SCHIP1: variants seen among roughly 807,000 people sequenced by gnomAD.
SCHIP1 encodes the protein schwannomin-interacting protein 1.
In SCHIP1, 8 loss-of-function variants were observed where a neutral mutation model predicts 29.7. The observed-to-expected ratio is 0.27, with a 90% CI of 0.16 to 0.49. The LOEUF is 0.49. Ranked by LOEUF, SCHIP1 falls within the 20% of genes least tolerant of loss-of-function variation. The pLI is 0.99. For synonymous variants in SCHIP1, 76 were observed against 94.9 expected (o/e 0.80, Z 1.16); for missense variants, 193 against 294.6 (o/e 0.66, Z 2.52).
the SCHIP1 span, among the ~76,000 whole-genome samples, chr3:159,680,507 C>CAA: frequency 1.1e-5 from 1 of 92,742 alleles, no homozygotes; most frequent in East Asian, 2.9e-4. Flanking sequence ...GATCTTGTCT[C>CAA]AAAAAAAAAA....
chr3:159,434,046 G>A, the SCHIP1 span, among the ~76,000 whole-genome samples: 1 of 152,174 alleles, frequency 6.6e-6, no homozygotes, highest in Non-Finnish European at 1.5e-5. Context: ...TAAGGGTAGA[G>A]TGCATGTCTT....
At chr3:159,311,565 T>A in the SCHIP1 span, among the ~76,000 whole-genome samples, 2 of 152,254 alleles carry the variant, frequency 1.3e-5, no homozygotes, top group Middle Eastern at 3.4e-3. Flanking sequence ...CAACACTCAA[T>A]ATTGCAATAA....
At chr3:159,679,747 G>T in the SCHIP1 span, among the ~76,000 whole-genome samples, 3 of 152,098 alleles carry the variant, frequency 2.0e-5, no homozygotes, top group South Asian at 4.2e-4. Flanking sequence ...CCCCGCTGGC[G>T]CACCTCCTGC....
At chr3:159,763,949 GCGGGGCGGGGCCGGGCCGGGCCGGGC>G in the SCHIP1 span, 2 of 152,132 alleles carry the variant, frequency 1.3e-5, no homozygotes, top group African/African-American at 2.4e-5. Context: ...AAGGGGCGGG[GCGGGGCGGGGCCGGGCCGGGCCGGGC>G]CGGGGCGGGG....
chr3:159,398,707 T>C, the SCHIP1 span: 4 of 152,080 alleles, frequency 2.6e-5, no homozygotes, highest in African/African-American at 9.7e-5. Context: ...TTGAATCTGA[T>C]AGAGAGGAGG....
chr3:159,896,201 T>C (rs1267376990), intron 6 of SCHIP1, among the ~76,000 whole-genome samples: 1 of 152,236 alleles, frequency 6.6e-6, no homozygotes, highest in Non-Finnish European at 1.5e-5. Context: ...AATATCTAGG[T>C]CTGTGTCTGC....
At chr3:159,403,248 C>T in the SCHIP1 span, among the ~76,000 whole-genome samples, 5,117 of 152,142 alleles carry the variant, frequency 0.034, 113 homozygotes, top group East Asian at 0.11. Context: ...GATGGATTTT[C>T]CTGGAGATTT....
the SCHIP1 span, among the ~76,000 whole-genome samples, chr3:159,530,744 C>T: frequency 6.6e-6 from 1 of 152,226 alleles, no homozygotes; most frequent in Non-Finnish European, 1.5e-5. Context: ...CACAGAATCT[C>T]CTGCTGCCCT....
At chr3:159,761,716 T>C in the SCHIP1 span, among the ~76,000 whole-genome samples, 15 of 152,212 alleles carry the variant, frequency 9.9e-5, no homozygotes, top group Non-Finnish European at 1.8e-4. Context: ...CGGAAAATAA[T>C]TTAAAAGTAC....
chr3:159,829,272 T>C, the SCHIP1 span, among the ~76,000 whole-genome samples: 1 of 152,154 alleles, frequency 6.6e-6, no homozygotes, highest in Non-Finnish European at 1.5e-5. Context: ...TGCTATAGCA[T>C]TGCCTAATGT....
At chr3:159,330,265 T>C in the SCHIP1 span, among the ~76,000 whole-genome samples, 2 of 152,188 alleles carry the variant, frequency 1.3e-5, no homozygotes, top group Non-Finnish European at 2.9e-5. Flanking sequence ...TTCTATGTGT[T>C]CCTTAGAAAT....
chr3:159,336,408 A>G, the SCHIP1 span, among the ~76,000 whole-genome samples: 15 of 152,256 alleles, frequency 9.9e-5, 1 homozygote, highest in African/African-American at 3.6e-4. Context: ...TTTAGTCATG[A>G]AGTCCTAGCC....
At chr3:159,511,145 A>T in the SCHIP1 span, among the ~76,000 whole-genome samples, 1 of 152,064 alleles carries the variant, frequency 6.6e-6, no homozygotes, top group East Asian at 1.9e-4. Flanking sequence ...TGCTTTGTTT[A>T]CCTACTCAAG....
At chr3:159,318,799 C>A in the SCHIP1 span, among the ~76,000 whole-genome samples, 1 of 152,130 alleles carries the variant, frequency 6.6e-6, no homozygotes, top group African/African-American at 2.4e-5. Context: ...CTGAGCATGA[C>A]CCACTTTATG....
chr3:159,375,729 AAAATAAATAAAT>A, the SCHIP1 span: 32 of 782,200 alleles, frequency 4.1e-5, no homozygotes, highest in African/African-American at 5.9e-5. Context: ...ACTCCGTCTC[AAAATAAATAAAT>A]AAATAAATAA....
chr3:159,394,563 T>C, the SCHIP1 span, among the ~76,000 whole-genome samples: 1 of 152,236 alleles, frequency 6.6e-6, no homozygotes, highest in Admixed American at 6.5e-5. Context: ...TCTGCATCTA[T>C]TGAAATAATC....
the SCHIP1 span, among the ~76,000 whole-genome samples, chr3:159,538,550 C>T: frequency 6.6e-6 from 1 of 152,100 alleles, no homozygotes; most frequent in Non-Finnish European, 1.5e-5. Context: ...TAATACCTTG[C>T]ATTAGCCAAG....
chr3:159,507,630 A>T, the SCHIP1 span, among the ~76,000 whole-genome samples: 1 of 152,178 alleles, frequency 6.6e-6, no homozygotes, highest in East Asian at 1.9e-4. Flanking sequence ...TATTATTTTG[A>T]GATACATCCC....
chr3:159,288,694 C>G, the SCHIP1 span, among the ~76,000 whole-genome samples: 1 of 152,168 alleles, frequency 6.6e-6, no homozygotes. Flanking sequence ...GCCGAGATTG[C>G]GCCAGCCTGG....
Sources: gnomAD v4.1 joint callset for allele counts (sites outside exome capture counted in the v4.1 genomes callset) on GRCh38, gnomAD v4.1.1 for gene constraint, MANE v1.5 for transcripts, NCBI Gene and HGNC (gene_info 2026-07-23, HGNC 2026-07-21) for gene names.